Variants in UBE2V2 observed in about 807,000 individuals in gnomAD.
UBE2V2 encodes the protein ubiquitin conjugating enzyme E2 V2.
In UBE2V2, 9 loss-of-function variants were observed where a neutral mutation model predicts 17.2. The observed-to-expected ratio is 0.52, with a 90% CI of 0.32 to 0.91. UBE2V2 has a LOEUF of 0.91. Ranked by LOEUF, UBE2V2 falls within the 40% of genes least tolerant of loss-of-function variation. The pLI, the probability that UBE2V2 is intolerant of heterozygous loss-of-function variation, is 0.04. For missense variants in UBE2V2, 133 were observed against 182.6 expected (o/e 0.73, Z 1.56); for synonymous variants, 61 against 57.5 (o/e 1.06, Z -0.28).
At chr8:48,020,007 A>G (rs182401863) in intron 1 of UBE2V2, among the ~76,000 whole-genome samples, 1 of 152,094 alleles carries the variant, frequency 6.6e-6, no homozygotes. Flanking sequence ...TATCTGATAT[A>G]AGTGAAGCAA....
chr8:48,015,423 A>T (rs751680815), intron 1 of UBE2V2, among the ~76,000 whole-genome samples: 2 of 152,174 alleles, frequency 1.3e-5, no homozygotes, highest in African/African-American at 4.8e-5. Context: ...TTTGAAGTAC[A>T]TTATCTGTAC....
rs1802611709 is a variant in UBE2V2, at chr8:48,062,476, C to G, written c.*1648C>G. The G allele has an allele frequency of 6.6e-6, 1 of 151,644 alleles. No individual in the cohort carries two copies. Among genetic ancestry groups the G allele is most frequent in the South Asian group, 2.1e-4 (1 of 4,792 alleles). 9.4% of individuals were successfully genotyped at this position (151,644 alleles called of 1,614,324 possible). On this transcript the variant is annotated 3_prime_UTR_variant, in exon 4 of 4. Transcript: ENST00000523111. ...GGTGTGGTGGTGGGTACTTGTAGTC[C>G]CAGCTACTCGGGAGGCTGGGCAGGA...
intron 1 of UBE2V2, among the ~76,000 whole-genome samples, chr8:48,028,947 C>G (rs534102369): frequency 6.0e-4 from 91 of 152,086 alleles, no homozygotes; most frequent in Non-Finnish European, 8.8e-4. Context: ...CCTTTGGAAC[C>G]CAAAAGTTTA....
the UBE2V2 span, among the ~76,000 whole-genome samples, chr8:47,999,144 TAA>T: frequency 2.0e-5 from 3 of 152,022 alleles, no homozygotes; most frequent in African/African-American, 7.2e-5. Context: ...CTTAGAAATG[TAA>T]AGAGACTTGG....
At chr8:48,029,122 G>A (rs1446051445) in intron 1 of UBE2V2, among the ~76,000 whole-genome samples, 1 of 152,016 alleles carries the variant, frequency 6.6e-6, no homozygotes, top group African/African-American at 2.4e-5. Context: ...GAGGTCAGGA[G>A]TTTGAGAGCA....
intron 1 of UBE2V2, among the ~76,000 whole-genome samples, chr8:48,036,682 G>T (rs949097121): frequency 6.6e-6 from 1 of 150,886 alleles, no homozygotes; most frequent in Non-Finnish European, 1.5e-5. Flanking sequence ...TGATCCACCC[G>T]CCTTGGCCTC....
intron 3 of UBE2V2, among the ~76,000 whole-genome samples, chr8:48,055,546 A>G (rs2091566526): frequency 6.6e-6 from 1 of 151,866 alleles, no homozygotes; most frequent in Non-Finnish European, 1.5e-5. Flanking sequence ...TTTCTTTTCT[A>G]CTTTCAAACA....
At chr8:48,041,434 A>G (rs541253822) in intron 1 of UBE2V2, among the ~76,000 whole-genome samples, 2 of 152,240 alleles carry the variant, frequency 1.3e-5, no homozygotes, top group East Asian at 3.9e-4. Context: ...TCGGCTACAG[A>G]GCGAGACTCT....
chr8:48,017,721 T>C (rs1238354613), intron 1 of UBE2V2, among the ~76,000 whole-genome samples: 1 of 152,126 alleles, frequency 6.6e-6, no homozygotes. Flanking sequence ...TTTAGTTTTA[T>C]GTGATCCAAA....
At chr8:48,014,201 C>T (rs1362021377) in intron 1 of UBE2V2, among the ~76,000 whole-genome samples, 3 of 152,164 alleles carry the variant, frequency 2.0e-5, no homozygotes, top group Non-Finnish European at 4.4e-5. Flanking sequence ...TACAACCTCA[C>T]TGTACAGGCA....
At chr8:48,053,581 G>A (rs772848189) in intron 3 of UBE2V2, among the ~76,000 whole-genome samples, 1 of 151,656 alleles carries the variant, frequency 6.6e-6, no homozygotes, top group Non-Finnish European at 1.5e-5. Flanking sequence ...GTGCCACCAC[G>A]TCCAGCTAAT....
At chr8:48,010,897 T>A (rs909799741) in intron 1 of UBE2V2, among the ~76,000 whole-genome samples, 62 of 148,772 alleles carry the variant, frequency 4.2e-4, no homozygotes, top group African/African-American at 1.5e-3. Context: ...TTTTGTATTT[T>A]TTTTTTTTTT....
intron 3 of UBE2V2, among the ~76,000 whole-genome samples, chr8:48,055,259 G>T (rs1450361808): frequency 1.3e-5 from 2 of 149,708 alleles, no homozygotes; most frequent in African/African-American, 5.0e-5. Context: ...GAGTGCAATG[G>T]TGCGATCTTG....
chr8:48,035,777 G>A, intron 1 of UBE2V2, among the ~76,000 whole-genome samples: 1 of 140,658 alleles, frequency 7.1e-6, no homozygotes, highest in East Asian at 2.2e-4. Flanking sequence ...CTATGCCAGA[G>A]CTACTCAGGA....
intron 1 of UBE2V2, among the ~76,000 whole-genome samples, chr8:48,031,934 A>G (rs1413024059): frequency 6.6e-6 from 1 of 152,048 alleles, no homozygotes; most frequent in African/African-American, 2.4e-5. Context: ...GTGTGAGTAA[A>G]TTTTGTTTTT....
chr8:48,019,211 A>G (rs1357112452), intron 1 of UBE2V2, among the ~76,000 whole-genome samples: 4 of 152,116 alleles, frequency 2.6e-5, no homozygotes, highest in Non-Finnish European at 5.9e-5. Context: ...CTAAAAATAC[A>G]AAAATTAGCC....
chr8:48,051,044 C>T (rs1048433554), intron 3 of UBE2V2, among the ~76,000 whole-genome samples: 45 of 152,048 alleles, frequency 3.0e-4, no homozygotes, highest in Admixed American at 2.8e-3. Flanking sequence ...GATGGGGTTT[C>T]GTCATGTTGG....
upstream of UBE2V2, among the ~76,000 whole-genome samples, chr8:48,005,957 A>G (rs202086348): frequency 6.6e-6 from 1 of 152,206 alleles, no homozygotes; most frequent in Non-Finnish European, 1.5e-5. Flanking sequence ...CTCCCATTCT[A>G]TAGGTTGCCT....
At chr8:48,023,150 A>C (rs1052460118) in intron 1 of UBE2V2, among the ~76,000 whole-genome samples, 6 of 150,380 alleles carry the variant, frequency 4.0e-5, no homozygotes, top group African/African-American at 1.5e-4. Context: ...AGACCCTTCA[A>C]CCTGTAGCCA....
Sources: allele counts gnomAD v4.1 joint callset (sites outside exome capture counted in the v4.1 genomes callset), GRCh38; gene constraint gnomAD v4.1.1; transcripts MANE v1.5; gene names NCBI Gene and HGNC (gene_info 2026-07-23, HGNC 2026-07-21).